RASGEF1C: variants seen among roughly 807,000 people sequenced by gnomAD.
RASGEF1C encodes ras-GEF domain-containing family member 1C.
A neutral mutation model predicts 58.1 loss-of-function variants in RASGEF1C; 27 were observed. The ratio of observed to expected loss-of-function variants is 0.46; its 90% CI spans 0.34 to 0.64. The LOEUF is 0.64. Among genes scored for constraint, RASGEF1C ranks in the 30% least tolerant of loss-of-function variants. The pLI is 0.01. For missense variants in RASGEF1C, 502 were observed against 605.1 expected, an observed-to-expected ratio of 0.83 and a Z score of 1.79; for synonymous variants, 243 against 246.3, an observed-to-expected ratio of 0.99 and a Z score of 0.13.
chr5:180,110,972 C>T (rs1458208440), intron 12 of RASGEF1C, among the ~76,000 whole-genome samples: 2 of 152,122 alleles, frequency 1.3e-5, no homozygotes, highest in African/African-American at 4.8e-5. Flanking sequence ...GGCACTACAA[C>T]GCCCGGCTAA....
Position 180,136,739 on chromosome 5 carries a change from G to T in RASGEF1C, c.301-224C>A, listed in dbSNP as rs1227518045. 5.3e-6 allele frequency: 3 copies of T among 563,948 alleles called. No homozygotes were observed. In the South Asian group the frequency reaches 6.6e-5, roughly 12 times the overall value. The allele number at this position is 563,948 out of a possible 1,614,324, so 34.9% of individuals were successfully genotyped here. On this transcript the variant is annotated intron_variant, in intron 3 of 13. Transcript: ENST00000361132. Reference sequence around the variant, plus strand: ...CCATCTCTTGCTCTGGCCTTTCTGCGGTTGACGGCTCCATCCTCCCTGGTG... The same window carrying T: ...CCATCTCTTGCTCTGGCCTTTCTGCTGTTGACGGCTCCATCCTCCCTGGTG...
At chr5:180,140,369 T>C (rs933204640) in intron 1 of RASGEF1C, among the ~76,000 whole-genome samples, 1 of 152,196 alleles carries the variant, frequency 6.6e-6, no homozygotes, top group Non-Finnish European at 1.5e-5. Context: ...GGGTCATCCA[T>C]TCATGCGTGT....
At chr5:180,200,271 G>GATTTATTTAAT (rs1202440876) in intron 1 of RASGEF1C, among the ~76,000 whole-genome samples, 3 of 146,024 alleles carry the variant, frequency 2.1e-5, no homozygotes, top group Non-Finnish European at 4.5e-5. Context: ...AAAATTGATG[G>GATTTATTTAAT]ATTTATTTAA....
At chr5:180,112,142 G>A (rs183444399) in intron 11 of RASGEF1C, among the ~76,000 whole-genome samples, 10 of 152,122 alleles carry the variant, frequency 6.6e-5, no homozygotes, top group Admixed American at 5.2e-4. Context: ...ATTCAGGAAG[G>A]GCTAAGGCAG....
rs75750158 is a variant in RASGEF1C at position 180,188,492 on chromosome 5, C to T, written c.-7+20536G>A. 8.7e-3 allele frequency among the ~76,000 whole-genome samples: 1,329 copies of T among 152,266 alleles called. 7 individuals are homozygous for T. Among genetic ancestry groups the T allele is most frequent in the South Asian group, 0.029 (139 of 4,822 alleles). Reference sequence around the variant, plus strand: ...TCTCATAGATGCGAGAAAGCATTGACAAAATCCAAAATCCATTCCCAATAA... The same window carrying T: ...TCTCATAGATGCGAGAAAGCATTGATAAAATCCAAAATCCATTCCCAATAA... On this transcript the variant is annotated intron_variant, in intron 1 of 13. Transcript: ENST00000361132.
chr5:180,138,014 T>C lies in RASGEF1C; in HGVS notation c.39A>G (p.Pro13=), dbSNP rs1012579238. ...CGGTGGGGGGTGGGCTGAGGCTGCC[T>C]GGGGTGACCATGTCGGAGGCACTCA... The part of the protein sequence containing the change: ...QTLSASDMVT[P]GSLSPPPTEP... Residue 13 remains proline (P), a synonymous_variant, in exon 2 of 14, where the codon CCA becomes CCG. Coordinates refer to ENST00000361132, the MANE Select transcript of RASGEF1C (RefSeq NM_175062.4). The C allele has an allele frequency of 6.4e-6, 10 of 1,557,022 alleles. No homozygotes were observed. The East Asian group carries it at 2.4e-4, about 37-fold the overall frequency.
At chr5:180,160,583 C>T (rs949850921) in intron 1 of RASGEF1C, among the ~76,000 whole-genome samples, 3 of 152,254 alleles carry the variant, frequency 2.0e-5, no homozygotes, top group East Asian at 3.9e-4. Context: ...GTCAGCTTTG[C>T]CTCTGGGAAG....
chr5:180,117,490 G>C (rs1421647421), intron 10 of RASGEF1C, among the ~76,000 whole-genome samples: 2 of 152,184 alleles, frequency 1.3e-5, no homozygotes, highest in African/African-American at 4.8e-5. Flanking sequence ...CGCATGGCAC[G>C]GGCCTTCAAA....
intron 11 of RASGEF1C, among the ~76,000 whole-genome samples, chr5:180,113,503 G>A (rs1467859413): frequency 1.4e-5 from 1 of 71,612 alleles, no homozygotes; most frequent in African/African-American, 5.3e-5. Flanking sequence ...ACCGGGGATG[G>A]ACGGAGGGAT....
intron 1 of RASGEF1C, among the ~76,000 whole-genome samples, chr5:180,191,044 C>G (rs4700913): frequency 0.1 from 15,308 of 152,226 alleles, 899 homozygotes; most frequent in Admixed American, 0.16. Flanking sequence ...GAAATGATGT[C>G]TCATATCATT....
At position 180,198,718 on chromosome 5, in the gene RASGEF1C, T is replaced by C. The variant is rs368350871; in HGVS notation, c.-7+10310A>G. Among the ~76,000 whole-genome samples the C allele has an allele frequency of 6.6e-6, 1 of 152,196 alleles. No individual in the cohort carries two copies. Among genetic ancestry groups the C allele is most frequent in the African/African-American group, 2.4e-5 (1 of 41,428 alleles). On this transcript the variant is annotated intron_variant, in intron 1 of 13. Transcript: ENST00000361132. The surrounding 1 kb of genome is among the most constrained non-coding windows in gnomAD (Gnocchi z 4.5). ...TTCAATATATACCAGTCAACAATTA[T>C]GTTTCAACATATAAATTTGTGGGGG...
Position 180,111,637 on chromosome 5 carries a change from G to T in RASGEF1C, c.1180-57C>A, listed in dbSNP as rs1043115268. 75 of 1,601,236 alleles carry T rather than the reference G, an allele frequency of 4.7e-5. No homozygotes were observed. In the Admixed American group the frequency reaches 1.3e-3, roughly 27 times the overall value. ...CACTCCAGTGCCTGGAGGTCCCCATGAGGGGGAGGGGCTGGTCCTGGCAGA... is the reference window on the plus strand; with the variant it reads ...CACTCCAGTGCCTGGAGGTCCCCATTAGGGGGAGGGGCTGGTCCTGGCAGA... On this transcript the variant is annotated intron_variant, in intron 11 of 13. Coordinates refer to ENST00000361132, the MANE Select transcript of RASGEF1C (RefSeq NM_175062.4).
At chr5:180,152,134 G>T (rs1766754906) in intron 1 of RASGEF1C, among the ~76,000 whole-genome samples, 1 of 151,854 alleles carries the variant, frequency 6.6e-6, no homozygotes, top group South Asian at 2.1e-4. Flanking sequence ...CTGTAAACTA[G>T]TTCAACCATT....
Position 180,130,839 on chromosome 5 carries a change from G to A in RASGEF1C, c.439-2229C>T, listed in dbSNP as rs116187268. ...TGATCTCCAGAGTCATATGGGCGGC[G>A]GTCCGTCATATGGCCCATGGTCCTC... On this transcript the variant is annotated intron_variant, in intron 4 of 13. Transcript: ENST00000361132. 9.9e-3 allele frequency among the ~76,000 whole-genome samples: 1,507 copies of A among 152,166 alleles called. 26 individuals carry two copies. The highest frequency in any genetic ancestry group is 0.034 in the African/African-American group (1,423 of 41,506).
intron 6 of RASGEF1C, 123 bp from the exon 7 acceptor site, chr5:180,121,272 A>T (rs368296856): frequency 1.6e-5 from 11 of 676,858 alleles, no homozygotes; most frequent in African/African-American, 1.6e-4. Flanking sequence ...ACCATCCAGA[A>T]ATACCAAAGA....
intron 1 of RASGEF1C, among the ~76,000 whole-genome samples, chr5:180,200,104 A>G (rs1430035308): frequency 2.0e-5 from 3 of 151,842 alleles, no homozygotes; most frequent in Non-Finnish European, 4.4e-5. Context: ...TACTAAAAAT[A>G]CAAAAATTAT....
chr5:180,170,336 G>A (rs1011612971), intron 1 of RASGEF1C, among the ~76,000 whole-genome samples: 1 of 152,198 alleles, frequency 6.6e-6, no homozygotes, highest in Non-Finnish European at 1.5e-5. Flanking sequence ...GCAAGGAGGG[G>A]CGCGGGCCTG....
intron 1 of RASGEF1C, among the ~76,000 whole-genome samples, chr5:180,205,791 A>G (rs4700727): frequency 0.91 from 139,057 of 152,036 alleles, 63,725 homozygotes; most frequent in Middle Eastern, 0.96. Context: ...GCAGGGGTAC[A>G]ATCTCAGCTC....
At chr5:180,102,360 T>C (rs1582255953) in intron 12 of RASGEF1C, among the ~76,000 whole-genome samples, 1 of 152,294 alleles carries the variant, frequency 6.6e-6, no homozygotes, top group African/African-American at 2.4e-5. Context: ...CTTCAAATGA[T>C]GTATAAATAC....
Sources: allele counts gnomAD v4.1 joint callset (sites outside exome capture counted in the v4.1 genomes callset), GRCh38; gene constraint gnomAD v4.1.1; non-coding constraint Gnocchi (gnomAD v3.1); transcripts MANE v1.5; gene names NCBI Gene and HGNC (gene_info 2026-07-23, HGNC 2026-07-21).